Variants in SLC33A2 observed in about 807,000 individuals in gnomAD.
The protein encoded by SLC33A2 is major facilitator superfamily domain containing 3.
the SLC33A2 span, chr8:144,510,610 T>C: frequency 6.3e-7 from 1 of 1,579,082 alleles, no homozygotes; most frequent in Admixed American, 1.7e-5. Flanking sequence ...AACTGCTGCC[T>C]CTGTTGAGGT....
At chr8:144,510,713 A>C in the SLC33A2 span, 2 of 1,584,602 alleles carry the variant, frequency 1.3e-6, no homozygotes, top group Non-Finnish European at 8.6e-7. Context: ...CGCTGGCACA[A>C]TCTTGAGAGG....
chr8:144,509,478 C>G, the SLC33A2 span: 2 of 1,536,004 alleles, frequency 1.3e-6, no homozygotes, highest in South Asian at 1.2e-5. Flanking sequence ...TCTGTACGCT[C>G]CGTGGCTGCT....
chr8:144,509,223 G>GTTCGGCCGGCTCC, the SLC33A2 span: 1 of 1,180,196 alleles, frequency 8.5e-7, no homozygotes, highest in Non-Finnish European at 1.1e-6. Flanking sequence ...CCCGGTCCCA[G>GTTCGGCCGGCTCC]AACCAAAGCC....
At chr8:144,509,242 G>T in the SLC33A2 span, 2 of 1,282,250 alleles carry the variant, frequency 1.6e-6, no homozygotes, top group South Asian at 1.6e-5. Context: ...CCATGCCGGG[G>T]TGTGGCCTCT....
the SLC33A2 span, chr8:144,509,475 G>C: frequency 2.0e-6 from 3 of 1,535,364 alleles, no homozygotes; most frequent in African/African-American, 2.8e-5. Flanking sequence ...GGTTCTGTAC[G>C]CTCCGTGGCT....
At chr8:144,509,240 G>A in the SLC33A2 span, 17 of 1,263,484 alleles carry the variant, frequency 1.3e-5, no homozygotes, top group South Asian at 2.0e-4. Context: ...AGCCATGCCG[G>A]GGTGTGGCCT....
chr8:144,510,236 C>A, the SLC33A2 span: 12 of 1,459,080 alleles, frequency 8.2e-6, no homozygotes, highest in East Asian at 2.4e-5. Flanking sequence ...CCCCACTTCT[C>A]CCCCAGTATC....
the SLC33A2 span, chr8:144,509,197 TACGACGCTG>T: frequency 1.1e-6 from 1 of 883,450 alleles, no homozygotes; most frequent in Admixed American, 3.3e-5. Context: ...CCCTAGCCTG[TACGACGCTG>T]ACTCTGCCCG....
At chr8:144,510,099 ACAGGGCCACG>A in the SLC33A2 span, 21 of 1,455,724 alleles carry the variant, frequency 1.4e-5, 1 homozygote, top group Middle Eastern at 2.3e-4. Flanking sequence ...GCAACCCATT[ACAGGGCCACG>A]CTCTTTCTGG....
the SLC33A2 span, chr8:144,510,264 G>A: frequency 3.2e-6 from 5 of 1,548,862 alleles, no homozygotes; most frequent in Non-Finnish European, 4.4e-6. Flanking sequence ...CTGGAACACT[G>A]AGGAGAGCAG....
the SLC33A2 span, chr8:144,510,984 C>A: frequency 5.0e-6 from 8 of 1,600,146 alleles, no homozygotes; most frequent in Admixed American, 1.3e-4. Context: ...ACCCCCACCC[C>A]CCTCAGGCCA....
At chr8:144,511,062 C>T in the SLC33A2 span, 3 of 1,607,312 alleles carry the variant, frequency 1.9e-6, no homozygotes, top group Admixed American at 1.7e-5. Context: ...TGGCCGGAGG[C>T]CTGGCTGATG....
the SLC33A2 span, chr8:144,509,465 G>A: frequency 1.3e-6 from 2 of 1,536,140 alleles, no homozygotes; most frequent in South Asian, 1.2e-5. Context: ...GGCTGGCCAA[G>A]GTTCTGTACG....
the SLC33A2 span, chr8:144,510,908 G>A: frequency 2.5e-6 from 4 of 1,603,936 alleles, no homozygotes; most frequent in Non-Finnish European, 2.5e-6. Flanking sequence ...CTGCAGGTGA[G>A]TAGATGTAGC....
chr8:144,511,171 T>G, the SLC33A2 span: 7 of 1,606,778 alleles, frequency 4.4e-6, no homozygotes, highest in Non-Finnish European at 5.9e-6. Context: ...CTGAGCTGAG[T>G]GGCTGGAGTG....
chr8:144,510,965 TTGACCG>T, the SLC33A2 span: 46 of 1,599,290 alleles, frequency 2.9e-5, no homozygotes, highest in South Asian at 7.7e-5. Context: ...GGGCCTGACC[TTGACCG>T]TGACCCCCAC....
the SLC33A2 span, chr8:144,509,178 G>A: frequency 8.7e-4 from 603 of 689,240 alleles, no homozygotes; most frequent in Non-Finnish European, 1.3e-3. Flanking sequence ...CCGAGAGCAC[G>A]TGTCCAGACC....
the SLC33A2 span, chr8:144,510,137 T>C: frequency 7.5e-7 from 1 of 1,342,088 alleles, no homozygotes; most frequent in Non-Finnish European, 1.0e-6. Context: ...CCTGCAAGAC[T>C]TGGCCCTGAC....
the SLC33A2 span, chr8:144,509,955 G>T: frequency 3.8e-6 from 6 of 1,595,016 alleles, no homozygotes; most frequent in African/African-American, 8.0e-5. Flanking sequence ...CCTTCTGCGG[G>T]ACGTGCTAGC....
Sources: allele counts gnomAD v4.1 joint callset, GRCh38; gene constraint gnomAD v4.1.1; transcripts MANE v1.5; gene names NCBI Gene and HGNC (gene_info 2026-07-23, HGNC 2026-07-21).